The following LMNTD1 variants were observed in gnomAD, a reference collection of about 807,000 sequenced individuals.
The protein encoded by LMNTD1 is lamin tail domain-containing protein 1.
Under a neutral mutation model 50.9 loss-of-function variants are expected in LMNTD1, and 35 were observed. That is an observed-to-expected ratio of 0.69 (90% CI 0.53 to 0.91). The LOEUF is 0.91. Among genes scored for constraint, LMNTD1 ranks in the 40% least tolerant of loss-of-function variants. LMNTD1 has a pLI of 0.00. For synonymous variants in LMNTD1, 153 were observed against 161.9 expected (o/e 0.94, Z 0.42); for missense variants, 470 against 475.5 (o/e 0.99, Z 0.11).
At chr12:25,639,255 G>A (rs936728761) in intron 1 of LMNTD1, among the ~76,000 whole-genome samples, 1 of 152,070 alleles carries the variant, frequency 6.6e-6, no homozygotes, top group Non-Finnish European at 1.5e-5. Context: ...TTTGAGTTGG[G>A]CTAAGCCTTT....
At chr12:25,609,353 C>G (rs1946191871) in intron 1 of LMNTD1, among the ~76,000 whole-genome samples, 1 of 152,176 alleles carries the variant, frequency 6.6e-6, no homozygotes, top group South Asian at 2.1e-4. Flanking sequence ...CTCCGTCCAG[C>G]TTTGTTCCAT....
chr12:25,633,248 G>A (rs1401016668), intron 1 of LMNTD1, among the ~76,000 whole-genome samples: 1 of 152,024 alleles, frequency 6.6e-6, no homozygotes, highest in Non-Finnish European at 1.5e-5. Flanking sequence ...ATACTCCACT[G>A]ACAGCACTAG....
At chr12:25,596,768 C>T (rs769040785) in intron 1 of LMNTD1, among the ~76,000 whole-genome samples, 6 of 151,996 alleles carry the variant, frequency 3.9e-5, no homozygotes, top group African/African-American at 7.2e-5. Flanking sequence ...AAACACAGAA[C>T]ATTATAACAC....
chr12:25,642,751 G>A (rs1946981618), intron 1 of LMNTD1, among the ~76,000 whole-genome samples: 1 of 152,150 alleles, frequency 6.6e-6, no homozygotes, highest in African/African-American at 2.4e-5. Context: ...AGAAAAGCAT[G>A]GAGAGCCTGT....
intron 1 of LMNTD1, among the ~76,000 whole-genome samples, chr12:25,595,641 C>G (rs1945827732): frequency 6.6e-6 from 1 of 151,962 alleles, no homozygotes; most frequent in Non-Finnish European, 1.5e-5. Context: ...AGAGCACAAA[C>G]AGACAATCTA....
intron 1 of LMNTD1, among the ~76,000 whole-genome samples, chr12:25,612,323 C>A (rs915288943): frequency 8.1e-6 from 1 of 123,418 alleles, no homozygotes; most frequent in Non-Finnish European, 1.8e-5. Flanking sequence ...CACACACACA[C>A]ACACACGCGC....
chr12:25,516,515 A>C (rs1410650642), intron 8 of LMNTD1, among the ~76,000 whole-genome samples: 1 of 152,198 alleles, frequency 6.6e-6, no homozygotes, highest in Non-Finnish European at 1.5e-5. Flanking sequence ...TGAAAGCCTC[A>C]AATTTAAGTC....
intron 7 of LMNTD1, among the ~76,000 whole-genome samples, chr12:25,519,578 A>T: frequency 8.8e-6 from 1 of 113,374 alleles, no homozygotes; most frequent in African/African-American, 3.0e-5. Flanking sequence ...ACAGAGCGAG[A>T]CTCTGTCTCA....
upstream of LMNTD1, chr12:25,557,225 T>A (rs543147030): frequency 2.9e-4 from 44 of 152,354 alleles, no homozygotes; most frequent in African/African-American, 1.1e-3. Flanking sequence ...CAGACACAGA[T>A]GCTATTATTT....
chr12:25,617,450 G>T (rs1946373211), intron 1 of LMNTD1, among the ~76,000 whole-genome samples: 1 of 152,134 alleles, frequency 6.6e-6, no homozygotes, highest in African/African-American at 2.4e-5. Context: ...AAGTGGAGGG[G>T]TTGGCCTTTA....
chr12:25,588,570 C>CA (rs1945608212), intron 1 of LMNTD1, among the ~76,000 whole-genome samples: 1 of 151,834 alleles, frequency 6.6e-6, no homozygotes, highest in South Asian at 2.1e-4. Context: ...GTAAAACTAT[C>CA]AAAAAAGCAA....
chr12:25,493,246 G>A (rs1938946457), intron 9 of LMNTD1, among the ~76,000 whole-genome samples: 1 of 152,078 alleles, frequency 6.6e-6, no homozygotes, highest in Middle Eastern at 3.2e-3. Context: ...TATAATAGAT[G>A]CTCAAAAAAT....
intron 9 of LMNTD1, among the ~76,000 whole-genome samples, chr12:25,489,695 T>A (rs11830780): frequency 0.26 from 39,425 of 151,708 alleles, 5,287 homozygotes; most frequent in Middle Eastern, 0.34. Context: ...ATGAAGAAAC[T>A]CGCTTGTAAT....
chr12:25,597,367 GA>G (rs1310183236), intron 1 of LMNTD1, among the ~76,000 whole-genome samples: 3 of 151,978 alleles, frequency 2.0e-5, no homozygotes, highest in Non-Finnish European at 4.4e-5. Flanking sequence ...ATTTATATCA[GA>G]AAAAATAGAT....
At chr12:25,576,732 A>G (rs1243139609) in intron 1 of LMNTD1, among the ~76,000 whole-genome samples, 1 of 152,058 alleles carries the variant, frequency 6.6e-6, no homozygotes, top group Non-Finnish European at 1.5e-5. Flanking sequence ...TTTTGTTGCC[A>G]TGCTTTTGGT....
At chr12:25,575,210 C>G (rs1038064469) in intron 1 of LMNTD1, among the ~76,000 whole-genome samples, 5 of 152,072 alleles carry the variant, frequency 3.3e-5, no homozygotes, top group Admixed American at 6.6e-5. Flanking sequence ...ACACCCCACA[C>G]CCCAAGGGAT....
At chr12:25,519,810 T>G (rs1941144898) in intron 7 of LMNTD1, 48 bp downstream of exon 7, 1 of 1,220,978 alleles carries the variant, frequency 8.2e-7, no homozygotes. Flanking sequence ...GCTTAGTTAC[T>G]AATTGTGGGA....
chr12:25,637,483 C>T (rs1027830679), intron 1 of LMNTD1, among the ~76,000 whole-genome samples: 4 of 152,012 alleles, frequency 2.6e-5, no homozygotes, highest in Non-Finnish European at 5.9e-5. Context: ...ATGAAAAATT[C>T]ACTACAGAAC....
intron 1 of LMNTD1, among the ~76,000 whole-genome samples, chr12:25,633,879 CA>C (rs1473024855): frequency 2.0e-5 from 3 of 151,946 alleles, no homozygotes; most frequent in Non-Finnish European, 4.4e-5. Context: ...GTAAATTAAA[CA>C]AAAAGGTTTG....
Sources: allele counts gnomAD v4.1 joint callset (sites outside exome capture counted in the v4.1 genomes callset), GRCh38; gene constraint gnomAD v4.1.1; transcripts MANE v1.5; gene names NCBI Gene and HGNC (gene_info 2026-07-23, HGNC 2026-07-21).